Variants in PRDM6 observed in about 807,000 individuals in gnomAD.
PRDM6 encodes the protein PR/SET domain 6, also known as putative histone-lysine N-methyltransferase PRDM6.
Under a neutral mutation model 60.8 loss-of-function variants are expected in PRDM6, and 25 were observed. The ratio of observed to expected loss-of-function variants is 0.41; its 90% CI spans 0.30 to 0.57. The LOEUF is 0.57. Among genes scored for constraint, PRDM6 ranks in the 20% least tolerant of loss-of-function variants. PRDM6 has a pLI of 0.27. For synonymous variants in PRDM6, 407 were observed against 357.4 expected, an observed-to-expected ratio of 1.14 and a Z score of -1.57; for missense variants, 839 against 821.3, an observed-to-expected ratio of 1.02 and a Z score of -0.26.
chr5:123,165,108 C>A (rs768592308), intron 5 of PRDM6, among the ~76,000 whole-genome samples: 2 of 152,116 alleles, frequency 1.3e-5, no homozygotes, highest in African/African-American at 4.8e-5. Flanking sequence ...GTTTCCTGGG[C>A]GACCTAATTT....
At chr5:123,118,397 G>C (rs986391589) in intron 3 of PRDM6, among the ~76,000 whole-genome samples, 6 of 152,186 alleles carry the variant, frequency 3.9e-5, no homozygotes, top group African/African-American at 1.4e-4. Flanking sequence ...GTAGAGAGTT[G>C]CGGTTTGAGA....
At chr5:123,115,074 G>A (rs1764403666) in intron 3 of PRDM6, among the ~76,000 whole-genome samples, 1 of 152,178 alleles carries the variant, frequency 6.6e-6, no homozygotes, top group Admixed American at 6.5e-5. Flanking sequence ...ACTAGAGGAG[G>A]TGTAAGACAT....
intron 3 of PRDM6, among the ~76,000 whole-genome samples, chr5:123,111,780 C>G (rs73294785): frequency 6.6e-6 from 1 of 152,050 alleles, no homozygotes; most frequent in Non-Finnish European, 1.5e-5. Context: ...CGCTTCCTGC[C>G]TCTTCCCTTG....
chr5:123,099,691 C>T lies in PRDM6; in HGVS notation c.630C>T (p.Cys210=). The T allele has an allele frequency of 6.7e-7, 1 of 1,501,618 alleles. No homozygotes were observed. The highest frequency in any genetic ancestry group is 8.9e-7 in the Non-Finnish European group (1 of 1,124,800). The allele number at this position is 1,501,618 out of a possible 1,614,324, so 93.0% of individuals were successfully genotyped here. A position where few individuals can be genotyped will look rare whatever the true frequency, so the allele number is the denominator to read the frequency against. Residue 210 remains cysteine, a synonymous_variant, in exon 3 of 8, where the codon TGC becomes TGT. Coordinates refer to ENST00000407847, the MANE Select transcript of PRDM6 (RefSeq NM_001136239.4). The surrounding 1 kb of genome is among the most constrained non-coding windows in gnomAD (Gnocchi z 4.0). ...DMCADNRNGE[C]PMHGPLHSLR... is the part of the protein sequence containing the mutation. ...GCGCGGACAACCGCAACGGCGAGTG[C>T]CCTATGCATGGGCCACTGCACTCGC...
intron 2 of PRDM6, among the ~76,000 whole-genome samples, chr5:123,094,956 A>T (rs189102785): frequency 6.6e-6 from 1 of 152,318 alleles, no homozygotes; most frequent in Non-Finnish European, 1.5e-5. Context: ...CCCAGGGTCA[A>T]GCCCGCAGCC....
At chr5:123,166,671 T>G (rs1475279369) in intron 5 of PRDM6, among the ~76,000 whole-genome samples, 1 of 152,228 alleles carries the variant, frequency 6.6e-6, no homozygotes, top group East Asian at 1.9e-4. Flanking sequence ...CCATGGTGCC[T>G]AGCACAGGGT....
At chr5:123,110,381 C>T (rs1359630134) in intron 3 of PRDM6, among the ~76,000 whole-genome samples, 1 of 151,010 alleles carries the variant, frequency 6.6e-6, no homozygotes, top group African/African-American at 2.4e-5. Flanking sequence ...TCCTCAGCCT[C>T]CCGAGTAGCT....
chr5:123,114,306 G>A (rs1297818674), intron 3 of PRDM6, among the ~76,000 whole-genome samples: 11 of 152,118 alleles, frequency 7.2e-5, no homozygotes, highest in Admixed American at 1.3e-4. Context: ...CCAATGTCTC[G>A]CTAATTTTCA....
intron 5 of PRDM6, among the ~76,000 whole-genome samples, chr5:123,162,703 A>G (rs543767999): frequency 6.6e-6 from 1 of 152,338 alleles, no homozygotes; most frequent in South Asian, 2.1e-4. Flanking sequence ...AGGGTATTAT[A>G]GGAATTTTAT....
intron 3 of PRDM6, among the ~76,000 whole-genome samples, chr5:123,123,432 A>G (rs1764625557): frequency 6.6e-6 from 1 of 152,126 alleles, no homozygotes; most frequent in Non-Finnish European, 1.5e-5. Flanking sequence ...CTGGCTATTG[A>G]GATTTTTCAT....
At chr5:123,149,276 T>A (rs73298822) in intron 3 of PRDM6, among the ~76,000 whole-genome samples, 2,638 of 152,282 alleles carry the variant, frequency 0.017, 74 homozygotes, top group African/African-American at 0.06. Flanking sequence ...TCTCTGTGGA[T>A]CTGAGGCTCC....
At chr5:123,179,737 C>G (rs1183722889) in intron 6 of PRDM6, among the ~76,000 whole-genome samples, 1 of 152,104 alleles carries the variant, frequency 6.6e-6, no homozygotes, top group Non-Finnish European at 1.5e-5. Context: ...AACTGGATAA[C>G]TGATTTTAAA....
At chr5:123,166,981 G>T (rs1234644654) in intron 5 of PRDM6, among the ~76,000 whole-genome samples, 1 of 152,106 alleles carries the variant, frequency 6.6e-6, no homozygotes, top group African/African-American at 2.4e-5. Context: ...TTTTGCCGTT[G>T]TCTATGTTGT....
chr5:123,090,069 T>A lies in PRDM6; in HGVS notation c.55T>A (p.Tyr19Asn), dbSNP rs978238022. 1 of 1,548,116 alleles carries A rather than the reference T, an allele frequency of 6.5e-7. No homozygotes were observed. Among genetic ancestry groups the A allele is most frequent in the African/African-American group, 1.4e-5 (1 of 72,714 alleles). Residue 19 changes from tyrosine (Y) to asparagine (N), a missense_variant, in exon 2 of 8, where the codon TAC becomes AAC. Physicochemically the swap from Tyr to Asn is moderately radical, Grantham distance 143 (BLOSUM62 -2). This residue lies in a region of PRDM6 where 730 missense variants were observed against 648.8 expected (regional missense o/e 1.13). Transcript: ENST00000407847. Reference protein sequence around the residue: ...GSAFLKVDPAYLQHWQQLFPH... With the variant: ...GSAFLKVDPANLQHWQQLFPH... ...GGCCTTCCTCAAAGTGGACCCAGCC[T>A]ACCTGCAGCACTGGCAGCAACTCTT...
chr5:123,176,969 T>C (rs1346042649), intron 6 of PRDM6, among the ~76,000 whole-genome samples: 1 of 152,196 alleles, frequency 6.6e-6, no homozygotes, highest in African/African-American at 2.4e-5. Flanking sequence ...CAATTAATTG[T>C]GCGCTCCAAA....
intron 4 of PRDM6, 41 bp downstream of exon 4, chr5:123,156,052 AT>A (rs1561861711): frequency 1.3e-6 from 2 of 1,526,202 alleles, no homozygotes; most frequent in Admixed American, 4.2e-5. Flanking sequence ...AGCTGAAGCC[AT>A]TTGGCTTGCA....
At chr5:123,089,884 G>A (rs986030568) in intron 1 of PRDM6, 116 bp from the exon 2 acceptor site, 1 of 730,144 alleles carries the variant, frequency 1.4e-6, no homozygotes, top group South Asian at 1.9e-5. Context: ...CCGCGGAACC[G>A]GGCGGCCGCC....
rs374265891 is a variant in PRDM6, at chr5:123,148,443, TGGA to T, written c.901-7435_901-7433del. ...AACAAAGTAAGTTAATTGTAATAGG[TGGA>T]GGAGGGAGAAACTATTAAAATGAAA... On this transcript the variant is annotated intron_variant, in intron 3 of 7. Coordinates refer to ENST00000407847, the MANE Select transcript of PRDM6 (RefSeq NM_001136239.4). 9.2e-3 allele frequency among the ~76,000 whole-genome samples: 1,397 copies of T among 152,180 alleles called. 12 individuals carry two copies. Among genetic ancestry groups the T allele is most frequent in the Non-Finnish European group, 0.015 (991 of 68,012 alleles).
chr5:123,169,823 G>A (rs1765843018), intron 5 of PRDM6, among the ~76,000 whole-genome samples: 1 of 152,136 alleles, frequency 6.6e-6, no homozygotes. Context: ...AATAACTGCG[G>A]CCCAGAGCTA....
Sources: allele counts gnomAD v4.1 joint callset (sites outside exome capture counted in the v4.1 genomes callset), GRCh38; gene constraint gnomAD v4.1.1; regional missense constraint gnomAD v4.1.1; non-coding constraint Gnocchi (gnomAD v3.1); transcripts MANE v1.5; gene names NCBI Gene and HGNC (gene_info 2026-07-23, HGNC 2026-07-21).